The following ASPRV1 variants were observed in gnomAD, a reference collection of about 807,000 sequenced individuals.
ASPRV1 encodes retroviral-like aspartic protease 1.
A neutral mutation model predicts 11.0 loss-of-function variants in ASPRV1; 7 were observed. That is an observed-to-expected ratio of 0.64 (90% CI 0.36 to 1.20). ASPRV1 has a LOEUF of 1.20. Among genes scored for constraint, ASPRV1 ranks in the 50% most tolerant of loss-of-function variants. ASPRV1 has a pLI of 0.02. For synonymous variants in ASPRV1, 136 were observed against 138.4 expected (o/e 0.98, Z 0.12); for missense variants, 299 against 320.0 (o/e 0.93, Z 0.50).
At chr2:70,049,087 T>C in the ASPRV1 span, 1 of 152,014 alleles carries the variant, frequency 6.6e-6, no homozygotes, top group East Asian at 1.9e-4. Context: ...GTGCACAATG[T>C]GCAGGTTAGT....
the ASPRV1 span, among the ~76,000 whole-genome samples, chr2:70,061,454 A>G: frequency 6.6e-6 from 1 of 152,194 alleles, no homozygotes; most frequent in Admixed American, 6.5e-5. Flanking sequence ...TATGCACAGT[A>G]AAGAGTGTTC....
the ASPRV1 span, among the ~76,000 whole-genome samples, chr2:70,040,742 G>T: frequency 2.6e-5 from 4 of 152,104 alleles, no homozygotes; most frequent in Non-Finnish European, 4.4e-5. Context: ...GCTGAGGCAG[G>T]AGAATCACTT....
the ASPRV1 span, among the ~76,000 whole-genome samples, chr2:70,062,785 A>G: frequency 2.0e-5 from 3 of 152,194 alleles, no homozygotes; most frequent in Admixed American, 6.6e-5. Flanking sequence ...TGGGCAACAT[A>G]GCGAGACCTT....
At chr2:69,948,531 G>A in the ASPRV1 span, among the ~76,000 whole-genome samples, 1 of 152,210 alleles carries the variant, frequency 6.6e-6, no homozygotes, top group Non-Finnish European at 1.5e-5. Context: ...CGCAGTGGGG[G>A]CAGCTTGGAC....
chr2:70,051,058 C>T, the ASPRV1 span: 1 of 152,250 alleles, frequency 6.6e-6, no homozygotes, highest in South Asian at 2.1e-4. Flanking sequence ...AAAATTAAAG[C>T]ATTCCTAATG....
the ASPRV1 span, among the ~76,000 whole-genome samples, chr2:70,033,882 C>T: frequency 1.3e-5 from 2 of 151,986 alleles, no homozygotes; most frequent in East Asian, 1.9e-4. Flanking sequence ...TGGCCGGGCG[C>T]GGTGGCTCAC....
At chr2:70,017,282 C>T in the ASPRV1 span, among the ~76,000 whole-genome samples, 4 of 152,164 alleles carry the variant, frequency 2.6e-5, no homozygotes, top group South Asian at 2.1e-4. Context: ...TGAGCCACCA[C>T]GCCCAACCTG....
At chr2:70,052,308 A>G in the ASPRV1 span, among the ~76,000 whole-genome samples, 1 of 152,220 alleles carries the variant, frequency 6.6e-6, no homozygotes, top group Non-Finnish European at 1.5e-5. Context: ...TCACTGAACT[A>G]TAATTCAGCC....
the ASPRV1 span, among the ~76,000 whole-genome samples, chr2:70,065,617 G>A: frequency 6.6e-6 from 1 of 151,616 alleles, no homozygotes; most frequent in Admixed American, 6.6e-5. Flanking sequence ...CAGGGGCAGG[G>A]TGCAGTGGCA....
chr2:70,078,973 T>C, the ASPRV1 span, among the ~76,000 whole-genome samples: 122 of 152,298 alleles, frequency 8.0e-4, no homozygotes, highest in East Asian at 4.1e-3. Context: ...TAAGGTGAAG[T>C]TGACAGGACC....
the ASPRV1 span, among the ~76,000 whole-genome samples, chr2:70,061,552 C>T: frequency 7.2e-5 from 11 of 152,128 alleles, no homozygotes. Context: ...ATGAAGGTGC[C>T]AGCAGTAGGG....
chr2:70,011,715 A>C, the ASPRV1 span: 1 of 152,422 alleles, frequency 6.6e-6, no homozygotes, highest in Non-Finnish European at 1.5e-5. Context: ...CCCGGGACAG[A>C]CATCTGGATT....
chr2:70,079,574 TGAA>T, the ASPRV1 span, among the ~76,000 whole-genome samples: 2 of 151,408 alleles, frequency 1.3e-5, no homozygotes, highest in African/African-American at 4.9e-5. Context: ...AGTGAGGAGA[TGAA>T]GAATAAGAAA....
chr2:69,961,715 C>T (rs898925241), upstream of ASPRV1: 3 of 1,519,810 alleles, frequency 2.0e-6, no homozygotes, highest in Non-Finnish European at 1.8e-6. Context: ...AGCTCCGCCC[C>T]TCCTCACCCC....
At chr2:70,044,490 A>C in the ASPRV1 span, among the ~76,000 whole-genome samples, 2 of 151,864 alleles carry the variant, frequency 1.3e-5, no homozygotes, top group Non-Finnish European at 2.9e-5. Flanking sequence ...ACAGAGTTCC[A>C]CTCTTGTTGC....
chr2:70,070,309 G>T, the ASPRV1 span: 2 of 151,936 alleles, frequency 1.3e-5, no homozygotes, highest in Non-Finnish European at 2.9e-5. Context: ...AAATCCCATT[G>T]GACTTCTCAT....
the ASPRV1 span, among the ~76,000 whole-genome samples, chr2:70,003,863 A>C: frequency 6.6e-6 from 1 of 152,176 alleles, no homozygotes; most frequent in African/African-American, 2.4e-5. Context: ...TCACAAAAGG[A>C]CAAATTTGGC....
the ASPRV1 span, among the ~76,000 whole-genome samples, chr2:70,033,276 A>AACACACACACACACAC: frequency 2.3e-4 from 32 of 141,610 alleles, no homozygotes; most frequent in East Asian, 2.3e-3. Flanking sequence ...TCAAACAGAA[A>AACACACACACACACAC]ACACACACAC....
the ASPRV1 span, chr2:70,015,490 A>G: frequency 6.6e-6 from 1 of 152,222 alleles, no homozygotes; most frequent in Non-Finnish European, 1.5e-5. Context: ...CTTTTCATAT[A>G]CAGAGGTTTC....
Sources: gnomAD v4.1 joint callset for allele counts (sites outside exome capture counted in the v4.1 genomes callset) on GRCh38, gnomAD v4.1.1 for gene constraint, MANE v1.5 for transcripts, NCBI Gene and HGNC (gene_info 2026-07-23, HGNC 2026-07-21) for gene names.